Variants in PPP2R2D observed in about 807,000 individuals in gnomAD.
PPP2R2D encodes protein phosphatase 2 regulatory subunit Bdelta.
A neutral mutation model predicts 31.1 loss-of-function variants in PPP2R2D; 9 were observed. The observed-to-expected ratio is 0.29, with a 90% CI of 0.17 to 0.51. The LOEUF (loss-of-function observed/expected upper bound fraction) is 0.51, where lower values mean the gene tolerates loss of function less well. Ranked by LOEUF, PPP2R2D falls within the 20% of genes least tolerant of loss-of-function variation. PPP2R2D has a pLI of 0.98. For missense variants in PPP2R2D, 391 were observed against 465.6 expected, an observed-to-expected ratio of 0.84 and a Z score of 1.48; for synonymous variants, 179 against 172.6, an observed-to-expected ratio of 1.04 and a Z score of -0.29.
the PPP2R2D span, chr10:131,966,478 AAATGTCTAATGTTAC>A: frequency 2.0e-5 from 3 of 152,240 alleles, no homozygotes; most frequent in Non-Finnish European, 2.9e-5. Context: ...ATTTTTAATA[AAATGTCTAATGTTAC>A]AATCTAACGA....
At chr10:131,907,199 T>A (rs1439848895) in intron 2 of PPP2R2D, among the ~76,000 whole-genome samples, 1 of 147,636 alleles carries the variant, frequency 6.8e-6, no homozygotes, top group Non-Finnish European at 1.5e-5. Flanking sequence ...TTCATTTATA[T>A]TTTTTTTTTG....
At chr10:131,940,930 G>A (rs2119850957) in intron 5 of PPP2R2D, 1 of 409,728 alleles carries the variant, frequency 2.4e-6, no homozygotes, top group Non-Finnish European at 4.3e-6. Flanking sequence ...ATACTAAGGG[G>A]AAAACTCATA....
intron 2 of PPP2R2D, among the ~76,000 whole-genome samples, chr10:131,921,040 T>C (rs2035976655): frequency 1.3e-5 from 2 of 152,174 alleles, no homozygotes; most frequent in Non-Finnish European, 2.9e-5. Context: ...GCAGCTTTGT[T>C]TTGCTAATAT....
chr10:131,958,745 T>G lies in PPP2R2D; in HGVS notation c.*2782T>G, dbSNP rs1275986876. 3 of 225,638 alleles carry G rather than the reference T, an allele frequency of 1.3e-5. No individual in the cohort carries two copies. The highest frequency in any genetic ancestry group is 4.3e-5 in the South Asian group (1 of 23,244). 14.0% of individuals were successfully genotyped at this position (225,638 alleles called of 1,614,324 possible). On this transcript the variant is annotated 3_prime_UTR_variant, in exon 9 of 9. Coordinates refer to ENST00000455566, the MANE Select transcript of PPP2R2D (RefSeq NM_018461.5). ...CCTCGTGCCCCTGTGGAGATGGAGGTGTGTGCTGGTCCCCCGTCCCCCTGT... is the reference window on the plus strand; with the variant it reads ...CCTCGTGCCCCTGTGGAGATGGAGGGGTGTGCTGGTCCCCCGTCCCCCTGT...
At chr10:131,925,281 G>T (rs543185388) in intron 2 of PPP2R2D, among the ~76,000 whole-genome samples, 29 of 152,284 alleles carry the variant, frequency 1.9e-4, no homozygotes, top group Admixed American at 7.2e-4. Flanking sequence ...GTTAGCTGTG[G>T]TTTTTTAGGT....
intron 3 of PPP2R2D, 138 bp from the exon 4 acceptor site, chr10:131,939,893 T>C (rs1380584164): frequency 2.4e-6 from 1 of 416,376 alleles, no homozygotes; most frequent in Non-Finnish European, 4.4e-6. Flanking sequence ...TTCCCTGAGT[T>C]TCATCTGAGA....
chr10:131,948,395 C>T (rs1317340881), intron 8 of PPP2R2D, among the ~76,000 whole-genome samples: 1 of 152,128 alleles, frequency 6.6e-6, no homozygotes, highest in African/African-American at 2.4e-5. Flanking sequence ...GATTGTCTTG[C>T]ACCATTTTTA....
At chr10:131,964,664 A>ATTTTTTTTTTTTTTTTTTTTT (rs782297365), downstream of PPP2R2D, among the ~76,000 whole-genome samples, 1 of 126,750 alleles carries the variant, frequency 7.9e-6, no homozygotes, top group African/African-American at 3.1e-5. Context: ...AGAGTTTACT[A>ATTTTTTTTTTTTTTTTTTTTT]TGTTTTTTTT....
At chr10:131,951,961 G>T (rs1209583108) in intron 8 of PPP2R2D, among the ~76,000 whole-genome samples, 4 of 152,138 alleles carry the variant, frequency 2.6e-5, no homozygotes, top group African/African-American at 4.8e-5. Context: ...GTGCAGGGGG[G>T]TCCCTGTCTT....
At chr10:131,943,109 C>G (rs1554897412) in intron 5 of PPP2R2D, among the ~76,000 whole-genome samples, 1 of 152,182 alleles carries the variant, frequency 6.6e-6, no homozygotes, top group African/African-American at 2.4e-5. Flanking sequence ...TTTCTTCCAG[C>G]TGGATGTTAG....
chr10:131,922,788 C>A (rs2036018774), intron 2 of PPP2R2D, among the ~76,000 whole-genome samples: 1 of 151,904 alleles, frequency 6.6e-6, no homozygotes, highest in Admixed American at 6.6e-5. Flanking sequence ...GGAAAGTAGC[C>A]AAAAAGAAAA....
intron 2 of PPP2R2D, among the ~76,000 whole-genome samples, chr10:131,922,476 A>T (rs2036007572): frequency 6.8e-6 from 1 of 147,776 alleles, no homozygotes; most frequent in African/African-American, 2.5e-5. Context: ...TTTTTGAGAC[A>T]GAATCTCACA....
intron 2 of PPP2R2D, among the ~76,000 whole-genome samples, chr10:131,907,936 G>A (rs1377244460): frequency 1.3e-5 from 2 of 152,148 alleles, no homozygotes; most frequent in East Asian, 3.9e-4. Context: ...GAAGTTCCAG[G>A]TTGGGTTTGT....
intron 2 of PPP2R2D, among the ~76,000 whole-genome samples, chr10:131,921,250 G>A (rs1283343272): frequency 6.6e-6 from 1 of 152,184 alleles, no homozygotes; most frequent in Non-Finnish European, 1.5e-5. Flanking sequence ...CGGGGGAGAG[G>A]CCAGAGAGGC....
the PPP2R2D span, chr10:131,971,174 C>T: frequency 8.6e-6 from 5 of 578,422 alleles, no homozygotes; most frequent in African/African-American, 3.8e-5. Flanking sequence ...ACAGCACGCT[C>T]GCCGCCTCCA....
At chr10:131,952,756 C>T (rs1451780028) in intron 8 of PPP2R2D, among the ~76,000 whole-genome samples, 6 of 45,684 alleles carry the variant, frequency 1.3e-4, no homozygotes, top group Non-Finnish European at 2.0e-4. Context: ...TGCGGGTGTG[C>T]GGGGGGTTCA....
chr10:131,912,276 G>A (rs889719401), intron 2 of PPP2R2D: 2 of 152,084 alleles, frequency 1.3e-5, no homozygotes, highest in Non-Finnish European at 2.9e-5. Flanking sequence ...ACTGCAGCCT[G>A]ATCAGGCTCA....
chr10:131,928,640 C>G (rs1231940321), intron 2 of PPP2R2D, among the ~76,000 whole-genome samples: 1 of 152,232 alleles, frequency 6.6e-6, no homozygotes, highest in Non-Finnish European at 1.5e-5. Flanking sequence ...CCCTTGAAGG[C>G]TGCGGCAACC....
chr10:131,922,659 G>A (rs1333680332), intron 2 of PPP2R2D, among the ~76,000 whole-genome samples: 1 of 151,890 alleles, frequency 6.6e-6, no homozygotes, highest in African/African-American at 2.4e-5. Flanking sequence ...TGTTGGCCAG[G>A]CTGGTCTTGA....
Sources: gnomAD v4.1 joint callset for allele counts (sites outside exome capture counted in the v4.1 genomes callset) on GRCh38, gnomAD v4.1.1 for gene constraint, MANE v1.5 for transcripts, NCBI Gene and HGNC (gene_info 2026-07-23, HGNC 2026-07-21) for gene names.